The following CYSTM1 variants were observed in gnomAD, a reference collection of about 807,000 sequenced individuals.
The protein encoded by CYSTM1 is cysteine-rich transmembrane module-containing protein 1.
In CYSTM1, 4 loss-of-function variants were observed where a neutral mutation model predicts 13.1. The observed-to-expected ratio is 0.31, with a 90% CI of 0.15 to 0.70. The LOEUF (loss-of-function observed/expected upper bound fraction) is 0.70, where lower values mean the gene tolerates loss of function less well. Ranked by LOEUF, CYSTM1 falls within the 30% of genes least tolerant of loss-of-function variation. CYSTM1 has a pLI of 0.72. For missense variants in CYSTM1, 96 were observed against 121.6 expected (o/e 0.79, Z 0.99); for synonymous variants, 36 against 42.7 (o/e 0.84, Z 0.62).
At chr5:140,193,523 C>T (rs1021503987) in intron 1 of CYSTM1, among the ~76,000 whole-genome samples, 4 of 152,136 alleles carry the variant, frequency 2.6e-5, no homozygotes, top group African/African-American at 7.2e-5. Context: ...GTGATCCGCC[C>T]GCCTCGGCCT....
intron 2 of CYSTM1, among the ~76,000 whole-genome samples, chr5:140,218,480 T>G (rs1304481066): frequency 1.3e-5 from 2 of 152,184 alleles, no homozygotes; most frequent in Non-Finnish European, 2.9e-5. Context: ...ATCAAGTTCT[T>G]GAAGAACCCA....
At chr5:140,203,859 C>T (rs1764258445) in intron 2 of CYSTM1, among the ~76,000 whole-genome samples, 1 of 152,152 alleles carries the variant, frequency 6.6e-6, no homozygotes, top group Non-Finnish European at 1.5e-5. Flanking sequence ...TAGCAAACAT[C>T]ACTAGGCAAT....
chr5:140,228,368 C>T (rs541500606), intron 2 of CYSTM1, among the ~76,000 whole-genome samples: 2 of 152,234 alleles, frequency 1.3e-5, no homozygotes, highest in African/African-American at 4.8e-5. Context: ...AGATTTCCGC[C>T]GGTGCCTGCC....
At chr5:140,201,234 C>T (rs983772101) in intron 2 of CYSTM1, 20 of 152,184 alleles carry the variant, frequency 1.3e-4, no homozygotes, top group African/African-American at 4.8e-4. Flanking sequence ...TGCAAACAGT[C>T]CACCACATTC....
intron 1 of CYSTM1, among the ~76,000 whole-genome samples, chr5:140,183,831 G>T (rs894483230): frequency 1.3e-5 from 2 of 152,198 alleles, no homozygotes; most frequent in Admixed American, 6.5e-5. Context: ...CCTTGGGTGA[G>T]GTTAGCCTGG....
Position 140,229,884 on chromosome 5 carries a change from T to G in CYSTM1, c.188-13421T>G, listed in dbSNP as rs373581924. On this transcript the variant is annotated intron_variant, in intron 2 of 2. Transcript: ENST00000261811. ...AGCTAATTTTGCATTTTTATTTTATTTTTTGAAATGAGGTATTGCTCTGTC... is the reference window on the plus strand; with the variant it reads ...AGCTAATTTTGCATTTTTATTTTATGTTTTGAAATGAGGTATTGCTCTGTC... 2.0e-5 allele frequency among the ~76,000 whole-genome samples: 3 copies of G among 152,132 alleles called. No individual in the cohort carries two copies. In the East Asian group the frequency reaches 5.8e-4, roughly 29 times the overall value.
chr5:140,215,950 G>A (rs1043454247), intron 2 of CYSTM1, among the ~76,000 whole-genome samples: 3 of 152,090 alleles, frequency 2.0e-5, no homozygotes, highest in Admixed American at 1.3e-4. Context: ...AGACTAGCCT[G>A]GGCAATGTAG....
intron 2 of CYSTM1, among the ~76,000 whole-genome samples, chr5:140,236,979 C>A (rs1399529323): frequency 1.3e-5 from 2 of 152,224 alleles, no homozygotes; most frequent in African/African-American, 2.4e-5. Context: ...GCATCCAGCA[C>A]TGGAGCTGAG....
At chr5:140,213,428 GGTTA>G (rs1231092276) in intron 2 of CYSTM1, among the ~76,000 whole-genome samples, 1 of 152,098 alleles carries the variant, frequency 6.6e-6, no homozygotes, top group Non-Finnish European at 1.5e-5. Context: ...AGTAAGCTAA[GGTTA>G]GTTATTGAAG....
intron 2 of CYSTM1, among the ~76,000 whole-genome samples, chr5:140,234,146 G>C (rs1273168925): frequency 6.6e-6 from 1 of 152,186 alleles, no homozygotes; most frequent in East Asian, 1.9e-4. Flanking sequence ...TATAAAATGT[G>C]AGGTTTAAAA....
intron 2 of CYSTM1, chr5:140,200,557 C>CTTGTTTTTTTTTTT: frequency 1.3e-5 from 1 of 78,730 alleles, no homozygotes; most frequent in African/African-American, 5.2e-5. Flanking sequence ...TCCCCCCGGC[C>CTTGTTTTTTTTTTT]TTTTTTTTTT....
intron 2 of CYSTM1, among the ~76,000 whole-genome samples, chr5:140,228,369 G>A (rs1243762406): frequency 2.6e-5 from 4 of 152,170 alleles, no homozygotes; most frequent in Non-Finnish European, 4.4e-5. Flanking sequence ...GATTTCCGCC[G>A]GTGCCTGCCA....
chr5:140,185,462 T>C (rs1764005404), intron 1 of CYSTM1, among the ~76,000 whole-genome samples: 1 of 152,228 alleles, frequency 6.6e-6, no homozygotes, highest in African/African-American at 2.4e-5. Context: ...TGGCTAATGA[T>C]ATTTGGGAGG....
intron 2 of CYSTM1, among the ~76,000 whole-genome samples, chr5:140,224,827 T>G (rs1470332986): frequency 6.6e-6 from 1 of 152,190 alleles, no homozygotes; most frequent in East Asian, 1.9e-4. Context: ...AGCCTGGCAT[T>G]GTGTTTTTAT....
intron 2 of CYSTM1, among the ~76,000 whole-genome samples, chr5:140,194,984 A>C (rs1233999345): frequency 1.3e-5 from 2 of 152,148 alleles, no homozygotes; most frequent in African/African-American, 4.8e-5. Flanking sequence ...TAGGTTTAGT[A>C]ATTAGCCTCT....
chr5:140,240,201 CCTT>C (rs1764731649), intron 2 of CYSTM1, among the ~76,000 whole-genome samples: 3 of 152,254 alleles, frequency 2.0e-5, no homozygotes, highest in Admixed American at 2.0e-4. Flanking sequence ...AACCCCTCTC[CCTT>C]TTTTCCGTCT....
At chr5:140,228,675 G>A in intron 2 of CYSTM1, 1 of 398,730 alleles carries the variant, frequency 2.5e-6, no homozygotes, top group East Asian at 3.6e-5. Context: ...GCCACTCCAA[G>A]TCCCCTCTGA....
At chr5:140,185,720 C>T (rs1057498186) in intron 1 of CYSTM1, among the ~76,000 whole-genome samples, 2 of 152,182 alleles carry the variant, frequency 1.3e-5, no homozygotes, top group African/African-American at 4.8e-5. Flanking sequence ...TATTGCTATC[C>T]CCCTGGGGCT....
intron 2 of CYSTM1, among the ~76,000 whole-genome samples, chr5:140,197,495 G>A (rs1764172099): frequency 6.6e-6 from 1 of 152,148 alleles, no homozygotes. Flanking sequence ...AAACATAGCA[G>A]GTAGTGCCAA....
Sources: gnomAD v4.1 joint callset for allele counts (sites outside exome capture counted in the v4.1 genomes callset) on GRCh38, gnomAD v4.1.1 for gene constraint, MANE v1.5 for transcripts, NCBI Gene and HGNC (gene_info 2026-07-23, HGNC 2026-07-21) for gene names.